CFAP221: variants seen among roughly 807,000 people sequenced by gnomAD.
CFAP221 encodes the protein cilia and flagella associated protein 221, also known as cilia- and flagella-associated protein 221.
A neutral mutation model predicts 113.1 loss-of-function variants in CFAP221; 97 were observed. The observed-to-expected ratio is 0.86, with a 90% CI of 0.73 to 1.02. The LOEUF is 1.02. Among genes scored for constraint, CFAP221 ranks in the 50% least tolerant of loss-of-function variants. CFAP221 has a pLI of 0.00. For synonymous variants in CFAP221, 331 were observed against 354.4 expected (o/e 0.93, Z 0.74); for missense variants, 1,025 against 1,013.4 (o/e 1.01, Z -0.16).
intron 10 of CFAP221, 87 bp from the exon 11 acceptor site, chr2:119,605,094 A>G (rs780260965): frequency 7.0e-5 from 102 of 1,449,126 alleles, no homozygotes; most frequent in Non-Finnish European, 9.7e-5. Flanking sequence ...GATTGCTGTT[A>G]TGCCTCGCCA....
At chr2:119,554,706 CAT>C (rs1049950868) in intron 3 of CFAP221, among the ~76,000 whole-genome samples, 15 of 152,156 alleles carry the variant, frequency 9.9e-5, no homozygotes, top group African/African-American at 3.6e-4. Flanking sequence ...ACAGTATAAA[CAT>C]AGTACGTCTT....
chr2:119,638,188 C>CTGA, intron 19 of CFAP221, 71 bp from the exon 20 acceptor site: 1 of 1,517,484 alleles, frequency 6.6e-7, no homozygotes, highest in Non-Finnish European at 9.1e-7. Context: ...ACAGCATTAG[C>CTGA]TGATGCCTGT....
intron 22 of CFAP221, among the ~76,000 whole-genome samples, chr2:119,649,360 C>T (rs747130569): frequency 6.6e-6 from 1 of 152,150 alleles, no homozygotes; most frequent in Non-Finnish European, 1.5e-5. Context: ...TTTCAACTCA[C>T]GATATTTACA....
chr2:119,639,657 G>A lies in CFAP221; in HGVS notation c.2134-124G>A. On this transcript the variant is annotated intron_variant, in intron 20 of 23. Coordinates refer to ENST00000413369, the MANE Select transcript of CFAP221 (RefSeq NM_001271049.2). ...TTTTTGCTTCAGAAAAATTCAAACT[G>A]AATGAAATTACAGATTTTGGTGCTT... The A allele has an allele frequency of 4.1e-6, 3 of 728,072 alleles. No individual in the cohort carries two copies. In the South Asian group the frequency reaches 5.3e-5, roughly 13 times the overall value. 45.1% of individuals were successfully genotyped at this position (728,072 alleles called of 1,614,324 possible). A position where few individuals can be genotyped will look rare whatever the true frequency, so the allele number is the denominator to read the frequency against.
At chr2:119,572,531 C>T in intron 6 of CFAP221, 2 of 701,012 alleles carry the variant, frequency 2.9e-6, no homozygotes, top group Non-Finnish European at 5.2e-6. Context: ...ATTCATCATG[C>T]TCTGTAGTTT....
intron 6 of CFAP221, chr2:119,580,203 G>A (rs1262961728): frequency 6.6e-6 from 1 of 152,194 alleles, no homozygotes. Context: ...CTCACAGAGT[G>A]AAGATTGACT....
chr2:119,581,980 A>G (rs1346804974), intron 6 of CFAP221, among the ~76,000 whole-genome samples: 1 of 152,188 alleles, frequency 6.6e-6, no homozygotes, highest in African/African-American at 2.4e-5. Flanking sequence ...AATCTACAAA[A>G]AAGTGACAGC....
chr2:119,656,482 A>G lies in CFAP221; in HGVS notation c.*12A>G. On this transcript the variant is annotated 3_prime_UTR_variant, in exon 24 of 24. Transcript: ENST00000413369. ...TGATTCTAGAATGAAAGTCACCAGTAGGTCAGTCCCTTCCATTTGCTTTCC... is the reference window on the plus strand; with the variant it reads ...TGATTCTAGAATGAAAGTCACCAGTGGGTCAGTCCCTTCCATTTGCTTTCC... 2.5e-6 allele frequency: 4 copies of G among 1,597,418 alleles called. No homozygotes were observed. Among genetic ancestry groups the G allele is most frequent in the Middle Eastern group, 1.7e-4 (1 of 5,992 alleles).
intron 21 of CFAP221, among the ~76,000 whole-genome samples, chr2:119,643,638 A>G (rs951140538): frequency 2.6e-5 from 4 of 152,092 alleles, no homozygotes; most frequent in Non-Finnish European, 4.4e-5. Context: ...TCCGCCTCCC[A>G]GGTTCAAGCG....
At chr2:119,658,431 C>A (rs1457648237), downstream of CFAP221, among the ~76,000 whole-genome samples, 1 of 152,124 alleles carries the variant, frequency 6.6e-6, no homozygotes, top group Non-Finnish European at 1.5e-5. Flanking sequence ...TGTATCTTTC[C>A]CACGTCAGCC....
chr2:119,564,937 A>C (rs1444735120), intron 6 of CFAP221, among the ~76,000 whole-genome samples: 2 of 152,146 alleles, frequency 1.3e-5, no homozygotes, highest in African/African-American at 4.8e-5. Context: ...CACAGCACAG[A>C]TTGGGTTACT....
intron 7 of CFAP221, among the ~76,000 whole-genome samples, chr2:119,595,128 G>T (rs781397064): frequency 2.0e-5 from 3 of 152,238 alleles, no homozygotes; most frequent in Non-Finnish European, 4.4e-5. Context: ...AGTGGGCATG[G>T]TGTGGCAGCC....
intron 6 of CFAP221, among the ~76,000 whole-genome samples, chr2:119,567,251 T>A (rs985423072): frequency 1.5e-5 from 1 of 66,766 alleles, no homozygotes; most frequent in Non-Finnish European, 2.9e-5. Flanking sequence ...TTCACTGCTC[T>A]AAAAATCCCA....
intron 7 of CFAP221, chr2:119,589,570 T>C (rs1574072529): frequency 6.6e-6 from 1 of 152,386 alleles, no homozygotes; most frequent in Admixed American, 6.5e-5. Flanking sequence ...GGGACATCCC[T>C]AGTCTGTTAG....
intron 1 of CFAP221, among the ~76,000 whole-genome samples, chr2:119,545,808 A>G (rs1337732522): frequency 6.6e-6 from 1 of 152,204 alleles, no homozygotes; most frequent in East Asian, 1.9e-4. Flanking sequence ...AATGAACTCA[A>G]GAAGCATCTC....
chr2:119,576,342 C>T (rs1175536234), intron 6 of CFAP221, among the ~76,000 whole-genome samples: 1 of 152,128 alleles, frequency 6.6e-6, no homozygotes. Context: ...TTTCCTGCCC[C>T]TCTCCCTCCT....
chr2:119,572,643 A>G, intron 6 of CFAP221: 3 of 686,986 alleles, frequency 4.4e-6, no homozygotes, highest in Non-Finnish European at 8.0e-6. Flanking sequence ...CCTTGCACCA[A>G]GATGACTTTA....
intron 14 of CFAP221, among the ~76,000 whole-genome samples, chr2:119,624,985 G>A (rs1423074170): frequency 6.6e-6 from 1 of 151,460 alleles, no homozygotes; most frequent in African/African-American, 2.4e-5. Flanking sequence ...AAACCTGCAT[G>A]TTCTGCACAT....
intron 19 of CFAP221, among the ~76,000 whole-genome samples, chr2:119,636,147 G>A (rs1687099502): frequency 6.6e-6 from 1 of 152,136 alleles, no homozygotes; most frequent in Non-Finnish European, 1.5e-5. Context: ...AAGTAAATAA[G>A]CCAAACCCGT....
Sources: gnomAD v4.1 joint callset for allele counts (sites outside exome capture counted in the v4.1 genomes callset) on GRCh38, gnomAD v4.1.1 for gene constraint, MANE v1.5 for transcripts, NCBI Gene and HGNC (gene_info 2026-07-23, HGNC 2026-07-21) for gene names.